ITGB3BP: variants seen among roughly 807,000 people sequenced by gnomAD.
ITGB3BP encodes the protein centromere protein R.
A neutral mutation model predicts 29.1 loss-of-function variants in ITGB3BP; 27 were observed. The ratio of observed to expected loss-of-function variants is 0.93; its 90% CI spans 0.68 to 1.28. The LOEUF (loss-of-function observed/expected upper bound fraction) is 1.28. ITGB3BP is among the 50% of genes most tolerant of loss of function. The pLI is 0.00. For missense variants in ITGB3BP, 192 were observed against 200.2 expected (o/e 0.96, Z 0.25); for synonymous variants, 61 against 61.4 (o/e 0.99, Z 0.03).
intron 1 of ITGB3BP, among the ~76,000 whole-genome samples, chr1:63,513,279 G>A (rs1242663233): frequency 2.0e-5 from 3 of 152,090 alleles, no homozygotes; most frequent in Non-Finnish European, 2.9e-5. Context: ...TATCACTACA[G>A]TGTCACAGAT....
At chr1:63,450,912 A>T (rs1283658033) in intron 7 of ITGB3BP, among the ~76,000 whole-genome samples, 2 of 151,780 alleles carry the variant, frequency 1.3e-5, no homozygotes, top group Non-Finnish European at 3.0e-5. Flanking sequence ...TTTTAATTTT[A>T]TTGTGTATGT....
intron 1 of ITGB3BP, chr1:63,510,032 T>C: frequency 5.5e-6 from 3 of 547,468 alleles, no homozygotes; most frequent in South Asian, 4.6e-5. Flanking sequence ...GTACTAAAAA[T>C]ACAAAATATT....
intron 4 of ITGB3BP, among the ~76,000 whole-genome samples, chr1:63,456,259 C>T (rs1034890255): frequency 5.9e-5 from 9 of 151,846 alleles, no homozygotes; most frequent in African/African-American, 1.7e-4. Flanking sequence ...TCTAAGTATG[C>T]GAACAAGAAA....
At chr1:63,525,681 A>G (rs758329582), upstream of ITGB3BP, 82 of 1,602,378 alleles carry the variant, frequency 5.1e-5, no homozygotes, top group Non-Finnish European at 6.9e-5. Flanking sequence ...AATATTTTAT[A>G]TGAATTGTAG....
chr1:63,488,061 A>C (rs1403695127), intron 3 of ITGB3BP, among the ~76,000 whole-genome samples: 1 of 152,140 alleles, frequency 6.6e-6, no homozygotes, highest in Non-Finnish European at 1.5e-5. Context: ...GCCAATGTAG[A>C]ATCTAAGTAG....
intron 4 of ITGB3BP, among the ~76,000 whole-genome samples, chr1:63,456,540 A>C (rs1644939409): frequency 6.6e-6 from 1 of 152,162 alleles, no homozygotes; most frequent in Admixed American, 6.5e-5. Flanking sequence ...CTCATATATG[A>C]TGCCAAAGCC....
At chr1:63,488,055 A>C (rs1315713175) in intron 3 of ITGB3BP, among the ~76,000 whole-genome samples, 1 of 152,128 alleles carries the variant, frequency 6.6e-6, no homozygotes, top group Non-Finnish European at 1.5e-5. Context: ...TGTTTGGCCA[A>C]TGTAGAATCT....
At chr1:63,495,532 T>C (rs1307554313) in intron 2 of ITGB3BP, among the ~76,000 whole-genome samples, 3 of 152,134 alleles carry the variant, frequency 2.0e-5, no homozygotes, top group Non-Finnish European at 2.9e-5. Context: ...GAATTTCAGT[T>C]TCCTCACTTA....
intron 2 of ITGB3BP, among the ~76,000 whole-genome samples, chr1:63,502,480 C>T (rs1050865858): frequency 1.3e-5 from 2 of 150,288 alleles, no homozygotes; most frequent in Non-Finnish European, 2.9e-5. Flanking sequence ...GCTGGGAAGG[C>T]CTCAGAATCA....
intron 2 of ITGB3BP, among the ~76,000 whole-genome samples, chr1:63,493,088 A>G (rs78847205): frequency 0.014 from 2,055 of 148,720 alleles, 25 homozygotes; most frequent in Middle Eastern, 0.063. Context: ...ACACACACAC[A>G]CGCGCGCGCG....
intron 7 of ITGB3BP, among the ~76,000 whole-genome samples, chr1:63,451,124 C>T (rs1302816269): frequency 6.6e-6 from 1 of 151,646 alleles, no homozygotes; most frequent in Non-Finnish European, 1.5e-5. Flanking sequence ...GCAATGATAG[C>T]ATAAATATTG....
Position 63,515,516 on chromosome 1 carries a change from T to A in ITGB3BP, c.6-6946A>T, listed in dbSNP as rs1646295407. ...TTTCAATTTCTAAAAAACGTTTGCT[T>A]GAAGAACTAAAAATAGAACTACCAT... On this transcript the variant is annotated intron_variant, in intron 1 of 8. Transcript: ENST00000271002. 2.0e-5 allele frequency among the ~76,000 whole-genome samples: 3 copies of A among 152,070 alleles called. No individual in the cohort carries two copies. The South Asian group carries it at 6.2e-4, about 31-fold the overall frequency.
chr1:63,523,724 T>C (rs1441049437), upstream of ITGB3BP: 1 of 161,144 alleles, frequency 6.2e-6, no homozygotes, highest in Non-Finnish European at 1.4e-5. Flanking sequence ...TCTACTTCTC[T>C]GTCATAAACA....
At chr1:63,499,585 C>T (rs1402233609) in intron 2 of ITGB3BP, among the ~76,000 whole-genome samples, 1 of 152,070 alleles carries the variant, frequency 6.6e-6, no homozygotes, top group African/African-American at 2.4e-5. Context: ...CTTATAAATA[C>T]AGATGTAAAA....
upstream of ITGB3BP, among the ~76,000 whole-genome samples, chr1:63,524,480 T>C (rs1182757296): frequency 6.6e-6 from 1 of 152,244 alleles, no homozygotes; most frequent in Admixed American, 6.5e-5. Flanking sequence ...GTAAATGATC[T>C]ATATAATTCG....
intron 4 of ITGB3BP, among the ~76,000 whole-genome samples, chr1:63,469,591 G>C (rs1645160808): frequency 6.6e-6 from 1 of 152,174 alleles, no homozygotes; most frequent in African/African-American, 2.4e-5. Context: ...CTCCCAAAGT[G>C]TTGGGATTAC....
At chr1:63,462,940 G>A (rs1354254101) in intron 4 of ITGB3BP, among the ~76,000 whole-genome samples, 3 of 152,140 alleles carry the variant, frequency 2.0e-5, no homozygotes, top group South Asian at 4.1e-4. Flanking sequence ...GCCTGTAAGA[G>A]AGAATGAGCT....
intron 8 of ITGB3BP, among the ~76,000 whole-genome samples, chr1:63,444,084 C>G (rs916931693): frequency 6.6e-6 from 1 of 152,144 alleles, no homozygotes; most frequent in African/African-American, 2.4e-5. Flanking sequence ...ACTGTCATTG[C>G]TCTTTTGCTT....
chr1:63,491,835 CT>C (rs769071356), intron 2 of ITGB3BP, among the ~76,000 whole-genome samples: 3 of 151,212 alleles, frequency 2.0e-5, no homozygotes, highest in Non-Finnish European at 4.4e-5. Flanking sequence ...CTAAAGCAAT[CT>C]TTTTTTTTGT....
Sources: allele counts gnomAD v4.1 joint callset (sites outside exome capture counted in the v4.1 genomes callset), GRCh38; gene constraint gnomAD v4.1.1; transcripts MANE v1.5; gene names NCBI Gene and HGNC (gene_info 2026-07-23, HGNC 2026-07-21).